ACOT11: variants seen among roughly 807,000 people sequenced by gnomAD.
ACOT11 encodes acyl-coenzyme A thioesterase 11.
Under a neutral mutation model 77.5 loss-of-function variants are expected in ACOT11, and 69 were observed. That is an observed-to-expected ratio of 0.89 (90% CI 0.73 to 1.09). The LOEUF is 1.09. Among genes scored for constraint, ACOT11 ranks in the 50% least tolerant of loss-of-function variants. ACOT11 has a pLI of 0.00. For missense variants in ACOT11, 766 were observed against 813.7 expected (o/e 0.94, Z 0.71); for synonymous variants, 279 against 313.0 (o/e 0.89, Z 1.15).
In ACOT11 at chr1:54,609,938, G is replaced by C. The variant is rs1417417579; in HGVS notation, c.*826G>C. ...AGTGTTCAGCAGGATCATGCCTTCTGTGTCTGGAAGAGGCGGCAGAGGCAA... is the reference window on the plus strand; with the variant it reads ...AGTGTTCAGCAGGATCATGCCTTCTCTGTCTGGAAGAGGCGGCAGAGGCAA... On this transcript the variant is annotated 3_prime_UTR_variant, in exon 16 of 16. Coordinates refer to ENST00000343744, the MANE Select transcript of ACOT11 (RefSeq NM_147161.4). 6.2e-7 allele frequency: 1 copy of C among 1,602,158 alleles called. No individual in the cohort carries two copies. The highest frequency in any genetic ancestry group is 1.1e-5 in the South Asian group (1 of 90,934).
At chr1:54,551,150 GA>G (rs1057072352) in intron 1 of ACOT11, among the ~76,000 whole-genome samples, 5 of 122,938 alleles carry the variant, frequency 4.1e-5, no homozygotes, top group African/African-American at 1.2e-4. Flanking sequence ...AAAAAAAAAA[GA>G]AAAAAAACCA....
At chr1:54,586,414 C>A (rs1654502570) in intron 3 of ACOT11, among the ~76,000 whole-genome samples, 1 of 151,258 alleles carries the variant, frequency 6.6e-6, no homozygotes, top group South Asian at 2.1e-4. Context: ...TACCTCATTA[C>A]TAAAGTAGAC....
intron 1 of ACOT11, among the ~76,000 whole-genome samples, chr1:54,578,693 G>C (rs1654197550): frequency 6.6e-6 from 1 of 152,002 alleles, no homozygotes; most frequent in Admixed American, 6.6e-5. Flanking sequence ...TTCCTTGCAT[G>C]CAAAATCAGT....
intron 1 of ACOT11, among the ~76,000 whole-genome samples, chr1:54,557,169 A>G (rs1285274725): frequency 4.9e-4 from 74 of 152,098 alleles, no homozygotes; most frequent in African/African-American, 1.7e-3. Flanking sequence ...CAAGGCAGGC[A>G]GATCACAAGG....
chr1:54,591,615 A>G (rs1268831042), intron 3 of ACOT11, among the ~76,000 whole-genome samples: 1 of 152,224 alleles, frequency 6.6e-6, no homozygotes, highest in African/African-American at 2.4e-5. Context: ...GCCGGCCTTT[A>G]GCCTCCTGCC....
intron 1 of ACOT11, among the ~76,000 whole-genome samples, chr1:54,562,607 A>G: frequency 6.9e-6 from 1 of 145,372 alleles, no homozygotes; most frequent in Admixed American, 6.7e-5. Flanking sequence ...CTCACTTCTC[A>G]GATGGGGCAG....
chr1:54,576,611 C>T (rs12065109), intron 1 of ACOT11, among the ~76,000 whole-genome samples: 3,531 of 151,190 alleles, frequency 0.023, 133 homozygotes, highest in African/African-American at 0.081. Context: ...GTGGCAGGGG[C>T]TGTGTGACTT....
intron 15 of ACOT11, among the ~76,000 whole-genome samples, chr1:54,629,058 CAAAAAA>C (rs768933265): frequency 5.6e-5 from 2 of 36,018 alleles, no homozygotes; most frequent in African/African-American, 1.5e-4. Flanking sequence ...GACTCCGTCT[CAAAAAA>C]AAAAAAAAAA....
intron 16 of ACOT11, among the ~76,000 whole-genome samples, chr1:54,632,092 A>G (rs929160413): frequency 1.3e-5 from 2 of 152,206 alleles, no homozygotes; most frequent in African/African-American, 2.4e-5. Flanking sequence ...GCCACCAGAT[A>G]GGGGAAAAAA....
intron 1 of ACOT11, among the ~76,000 whole-genome samples, chr1:54,569,162 C>T (rs1320932876): frequency 2.0e-5 from 3 of 149,298 alleles, no homozygotes; most frequent in African/African-American, 7.4e-5. Context: ...GGATCTTGCT[C>T]TCTTGCCCAA....
intron 1 of ACOT11, among the ~76,000 whole-genome samples, chr1:54,581,473 A>G (rs1654303599): frequency 6.6e-6 from 1 of 151,964 alleles, no homozygotes; most frequent in South Asian, 2.1e-4. Flanking sequence ...CTGTGAACGG[A>G]TTGGGTGAGG....
intron 1 of ACOT11, among the ~76,000 whole-genome samples, chr1:54,582,238 G>A (rs988647145): frequency 6.6e-6 from 1 of 152,174 alleles, no homozygotes; most frequent in Admixed American, 6.5e-5. Flanking sequence ...GCAATTCTCT[G>A]TCCTACTTGG....
intron 13 of ACOT11, among the ~76,000 whole-genome samples, chr1:54,606,154 C>T (rs1354355707): frequency 6.6e-6 from 1 of 152,198 alleles, no homozygotes; most frequent in Non-Finnish European, 1.5e-5. Context: ...AGCCCTGGCC[C>T]AGCTGACTCA....
At chr1:54,619,914 G>A in intron 15 of ACOT11, 2 of 1,614,172 alleles carry the variant, frequency 1.2e-6, no homozygotes, top group African/African-American at 1.3e-5. Context: ...GTGGTACCAG[G>A]TGACCTCCAA....
At chr1:54,610,779 A>T, downstream of ACOT11, 1 of 984,668 alleles carries the variant, frequency 1.0e-6, no homozygotes, top group African/African-American at 1.7e-5. Context: ...TGATGGGACC[A>T]GGTCTGCCTG....
At chr1:54,564,924 T>C (rs1653683800) in intron 1 of ACOT11, among the ~76,000 whole-genome samples, 1 of 152,108 alleles carries the variant, frequency 6.6e-6, no homozygotes, top group Non-Finnish European at 1.5e-5. Context: ...TACATGTGCC[T>C]ATAGGCTTTG....
At chr1:54,611,190 T>TG (rs1019234896), downstream of ACOT11, among the ~76,000 whole-genome samples, 187 of 152,264 alleles carry the variant, frequency 1.2e-3, no homozygotes, top group African/African-American at 4.4e-3. Context: ...TCCCAGTACT[T>TG]TGGGAGGCCA....
chr1:54,634,592 A>C (rs6691469), intron 16 of ACOT11: 200,036 of 679,968 alleles, frequency 0.29, 30,736 homozygotes, highest in African/African-American at 0.42. Context: ...TACACAATTG[A>C]ATCTAGCATT....
intron 1 of ACOT11, among the ~76,000 whole-genome samples, chr1:54,574,597 G>A (rs1405343917): frequency 4.6e-5 from 7 of 152,184 alleles, no homozygotes; most frequent in South Asian, 4.1e-4. Context: ...TGAGGAAACC[G>A]GTCTGTGGGG....
Sources: allele counts gnomAD v4.1 joint callset (sites outside exome capture counted in the v4.1 genomes callset), GRCh38; gene constraint gnomAD v4.1.1; transcripts MANE v1.5; gene names NCBI Gene and HGNC (gene_info 2026-07-23, HGNC 2026-07-21).